Variants in FNDC3B observed in about 807,000 individuals in gnomAD.
The protein encoded by FNDC3B is fibronectin type III domain containing 3B.
FNDC3B carries 12 observed loss-of-function variants against 151.5 expected under a neutral mutation model. The observed-to-expected ratio is 0.08, with a 90% CI of 0.05 to 0.13. FNDC3B has a LOEUF of 0.13. Among genes scored for constraint, FNDC3B ranks in the 10% least tolerant of loss-of-function variants. The probability of loss-of-function intolerance (pLI) is 1.00; values close to 1 mark genes in which losing one functional copy is unlikely to be tolerated. For synonymous variants in FNDC3B, 528 were observed against 549.0 expected, an observed-to-expected ratio of 0.96 and a Z score of 0.54; for missense variants, 1,214 against 1,505.3, an observed-to-expected ratio of 0.81 and a Z score of 3.20.
At chr3:172,263,992 A>G (rs1008357104) in intron 6 of FNDC3B, among the ~76,000 whole-genome samples, 1 of 151,336 alleles carries the variant, frequency 6.6e-6, no homozygotes, top group African/African-American at 2.4e-5. Context: ...CTTTTCTTTT[A>G]TGGGTTGGGG....
At chr3:172,109,983 G>A (rs1490031616) in intron 1 of FNDC3B, among the ~76,000 whole-genome samples, 1 of 152,156 alleles carries the variant, frequency 6.6e-6, no homozygotes, top group South Asian at 2.1e-4. Context: ...GGGTCTGGGG[G>A]ATCCATCTAC....
intron 7 of FNDC3B, 37 bp from the exon 8 acceptor site, chr3:172,295,326 G>A: frequency 6.3e-7 from 1 of 1,579,926 alleles, no homozygotes; most frequent in Non-Finnish European, 8.6e-7. Flanking sequence ...ATGTAAAATG[G>A]ATTTGAATAC....
rs375459580 is a variant in FNDC3B at position 172,364,767 on chromosome 3, C to G, written c.3008+1922C>G. Among the ~76,000 whole-genome samples the G allele has an allele frequency of 7.2e-5, 11 of 152,196 alleles. No homozygotes were observed. The East Asian group carries it at 9.6e-4, about 13-fold the overall frequency. ...ATCAATACATGTTGTTTCTTCCCCCCTCAAAAAGCCCAAGGCTTGCCTAAT... is the reference window on the plus strand; with the variant it reads ...ATCAATACATGTTGTTTCTTCCCCCGTCAAAAAGCCCAAGGCTTGCCTAAT... On this transcript the variant is annotated intron_variant, in intron 23 of 25. Transcript: ENST00000415807.
intron 25 of FNDC3B, among the ~76,000 whole-genome samples, chr3:172,381,432 G>A (rs879592319): frequency 9.2e-5 from 14 of 151,890 alleles, no homozygotes; most frequent in Non-Finnish European, 2.1e-4. Context: ...TTACTATAGA[G>A]GGAAGTAGTC....
At chr3:172,075,882 TA>T (rs1220610847) in intron 1 of FNDC3B, among the ~76,000 whole-genome samples, 1 of 152,134 alleles carries the variant, frequency 6.6e-6, no homozygotes, top group Non-Finnish European at 1.5e-5. Context: ...AGTGACCCAC[TA>T]AATTGATTAT....
intron 6 of FNDC3B, among the ~76,000 whole-genome samples, chr3:172,263,598 T>G (rs1328003006): frequency 1.8e-5 from 2 of 108,222 alleles, no homozygotes; most frequent in African/African-American, 5.4e-5. Flanking sequence ...TTTTTTTTTT[T>G]TTTTTTTTTT....
intron 8 of FNDC3B, 60 bp downstream of exon 8, chr3:172,295,574 G>C: frequency 6.5e-7 from 1 of 1,532,950 alleles, no homozygotes; most frequent in Non-Finnish European, 8.8e-7. Context: ...AGTTGTGAAG[G>C]AAAATGGAAA....
intron 3 of FNDC3B, among the ~76,000 whole-genome samples, chr3:172,159,266 C>T (rs770615278): frequency 3.9e-5 from 6 of 152,116 alleles, no homozygotes; most frequent in Non-Finnish European, 2.9e-5. Context: ...GCAACAAGAT[C>T]GAAACCCTGT....
At chr3:172,137,778 G>T (rs150259095) in intron 3 of FNDC3B, among the ~76,000 whole-genome samples, 184 of 152,270 alleles carry the variant, frequency 1.2e-3, no homozygotes, top group African/African-American at 4.1e-3. Context: ...CATGAAACAT[G>T]AATCATAGGT....
Position 172,397,901 on chromosome 3 carries a change from A to T in FNDC3B, c.*426A>T, listed in dbSNP as rs1462878682. On this transcript the variant is annotated 3_prime_UTR_variant, in exon 26 of 26. Coordinates refer to ENST00000415807, the MANE Select transcript of FNDC3B (RefSeq NM_022763.4). ...AACATGAATCACCGTGTGTGTACTT[A>T]CAGGGCTAGGATTTCAGTGTTGTCA... is the stretch of plus-strand genomic sequence containing the variant. The T allele has an allele frequency of 6.5e-6, 1 of 153,964 alleles. No individual in the cohort carries two copies. The highest frequency in any genetic ancestry group is 1.4e-5 in the Non-Finnish European group (1 of 69,562). The allele number at this position is 153,964 out of a possible 1,614,324, so 9.5% of individuals were successfully genotyped here.
Position 172,263,468 on chromosome 3 carries a change from GGAATGTTGCTCCAAGGAACTCT to G in FNDC3B, c.790+11929_790+11950del, listed in dbSNP as rs530725341. Among the ~76,000 whole-genome samples the G allele has an allele frequency of 2.6e-4, 39 of 151,932 alleles. No homozygotes were observed. In the South Asian group the frequency reaches 8.1e-3, roughly 32 times the overall value. On this transcript the variant is annotated intron_variant, in intron 6 of 25. Transcript: ENST00000415807. The stretch of plus-strand genomic sequence containing the variant: ...CTTTCAGGAAGATTTATCTTTTGTT[GGAATGTTGCTCCAAGGAACTCT>G]GTAATATACCAGCATCTCTTGAAAG...
At chr3:172,306,486 G>C (rs965511396) in intron 9 of FNDC3B, among the ~76,000 whole-genome samples, 1 of 152,162 alleles carries the variant, frequency 6.6e-6, no homozygotes, top group East Asian at 1.9e-4. Flanking sequence ...TTTAATCCTT[G>C]CATCTGTTTT....
At chr3:172,358,409 A>G (rs1398317214) in intron 22 of FNDC3B, among the ~76,000 whole-genome samples, 1 of 152,212 alleles carries the variant, frequency 6.6e-6, no homozygotes, top group Non-Finnish European at 1.5e-5. Flanking sequence ...GTGTGTAGTG[A>G]TGGTTGCCAT....
At position 172,381,222 on chromosome 3, in the gene FNDC3B, CT is replaced by C. The variant is rs1192033701; in HGVS notation, c.3303+131del. On this transcript the variant is annotated intron_variant, in intron 25 of 25. Coordinates refer to ENST00000415807, the MANE Select transcript of FNDC3B (RefSeq NM_022763.4). ...AGTGATAGAAACTGCCTAACTTGTA[CT>C]TATTGTATAATTCTTCAGAGTGGGT... The C allele has an allele frequency of 6.2e-6, 6 of 973,470 alleles. No individual in the cohort carries two copies. In the Admixed American group the frequency reaches 1.1e-4, roughly 18 times the overall value. 60.3% of individuals were successfully genotyped at this position (973,470 alleles called of 1,614,324 possible).
At chr3:172,109,528 A>C (rs917895846) in intron 1 of FNDC3B, among the ~76,000 whole-genome samples, 2 of 152,242 alleles carry the variant, frequency 1.3e-5, no homozygotes, top group African/African-American at 4.8e-5. Context: ...GGTTATGGCT[A>C]AGTGAGACTG....
intron 3 of FNDC3B, among the ~76,000 whole-genome samples, chr3:172,188,120 C>T (rs1724296704): frequency 6.6e-6 from 1 of 150,406 alleles, no homozygotes; most frequent in South Asian, 2.1e-4. Context: ...CTCAGCCTCC[C>T]TAGTAGCTGG....
chr3:172,346,547 T>TTTTC, intron 20 of FNDC3B, 107 bp downstream of exon 20: 2 of 429,734 alleles, frequency 4.7e-6, no homozygotes, highest in Non-Finnish European at 7.8e-6. Context: ...TATAGATGAT[T>TTTTC]TTTTTTTTTT....
chr3:172,253,562 A>C (rs1728186651), intron 6 of FNDC3B, among the ~76,000 whole-genome samples: 1 of 152,162 alleles, frequency 6.6e-6, no homozygotes, highest in Non-Finnish European at 1.5e-5. Context: ...CCGGAAACAG[A>C]CTTCTTAACT....
At position 172,196,116 on chromosome 3, in the gene FNDC3B, A is replaced by T. The variant is rs537181284; in HGVS notation, c.188-30755A>T. Among the ~76,000 whole-genome samples, 12 of 152,338 alleles carry T rather than the reference A, an allele frequency of 7.9e-5. No individual in the cohort carries two copies. The South Asian group carries it at 2.3e-3, about 29-fold the overall frequency. On this transcript the variant is annotated intron_variant, in intron 3 of 25. Coordinates refer to ENST00000415807, the MANE Select transcript of FNDC3B (RefSeq NM_022763.4). The stretch of plus-strand genomic sequence containing the variant: ...CTTGGCATTTGATGAAGCCACCCAC[A>T]CTAAAGCTTTTAATTGCTGGGAAGA...
Sources: gnomAD v4.1 joint callset for allele counts (sites outside exome capture counted in the v4.1 genomes callset) on GRCh38, gnomAD v4.1.1 for gene constraint, MANE v1.5 for transcripts, NCBI Gene and HGNC (gene_info 2026-07-23, HGNC 2026-07-21) for gene names.